Variants in PLXNA4 observed in about 807,000 individuals in gnomAD.
PLXNA4 encodes plexin A4, also known as plexin-A4.
Under a neutral mutation model 191.8 loss-of-function variants are expected in PLXNA4, and 44 were observed. That is an observed-to-expected ratio of 0.23 (90% CI 0.18 to 0.29). The LOEUF (loss-of-function observed/expected upper bound fraction) is 0.29. Among genes scored for constraint, PLXNA4 ranks in the 10% least tolerant of loss-of-function variants. The pLI is 1.00. For synonymous variants in PLXNA4, 1,082 were observed against 1,009.5 expected (o/e 1.07, Z -1.36); for missense variants, 1,800 against 2,488.8 (o/e 0.72, Z 5.89).
intron 3 of PLXNA4, among the ~76,000 whole-genome samples, chr7:132,417,435 A>G (rs1794697715): frequency 6.6e-6 from 1 of 152,234 alleles, no homozygotes; most frequent in East Asian, 1.9e-4. Flanking sequence ...AAATGACGCA[A>G]TTGTTTTGAG....
chr7:132,576,427 C>G lies in PLXNA4; in HGVS notation c.-92G>C, dbSNP rs575721184. On this transcript the variant is annotated 5_prime_UTR_variant, in exon 1 of 32. Coordinates refer to ENST00000321063, the MANE Select transcript of PLXNA4 (RefSeq NM_020911.2). This position sits in a 1 kb window ranked among gnomAD's most constrained non-coding sequence, Gnocchi z 5.8. ...CCGGCGGGCCGGCTCCTTACCTGGA[C>G]GCGCCGCGTTTCCCTCCTTCAGCGG... 5.1e-6 allele frequency: 5 copies of G among 985,974 alleles called. No homozygotes were observed. The South Asian group carries it at 2.3e-4, about 46-fold the overall frequency. 61.1% of individuals were successfully genotyped at this position (985,974 alleles called of 1,614,324 possible). A position where few individuals can be genotyped will look rare whatever the true frequency, so the allele number is the denominator to read the frequency against.
At chr7:132,189,383 C>T (rs1369345661) in intron 14 of PLXNA4, among the ~76,000 whole-genome samples, 1 of 152,156 alleles carries the variant, frequency 6.6e-6, no homozygotes, top group Non-Finnish European at 1.5e-5. Context: ...CTTCACTTGG[C>T]TCCATGAATG....
In PLXNA4 at chr7:132,125,462, C is replaced by T. The variant is rs1290593735; in HGVS notation, c.*5017G>A. 1 of 151,956 alleles carries T rather than the reference C, an allele frequency of 6.6e-6. No homozygotes were observed. The highest frequency in any genetic ancestry group is 1.9e-4 in the East Asian group (1 of 5,164). 9.4% of individuals were successfully genotyped at this position (151,956 alleles called of 1,614,324 possible). ...TGTCCTCTGAACCTCTCCTCATCCCCTTGGAAGTCATAGGTTTTGCTCCCA... is the reference window on the plus strand; with the variant it reads ...TGTCCTCTGAACCTCTCCTCATCCCTTTGGAAGTCATAGGTTTTGCTCCCA... On this transcript the variant is annotated 3_prime_UTR_variant, in exon 32 of 32. Coordinates refer to ENST00000321063, the MANE Select transcript of PLXNA4 (RefSeq NM_020911.2).
At chr7:132,306,660 G>T (rs1225162546) in intron 3 of PLXNA4, among the ~76,000 whole-genome samples, 1 of 152,148 alleles carries the variant, frequency 6.6e-6, no homozygotes, top group Admixed American at 6.5e-5. Context: ...AGTACTCGTT[G>T]AATGAATGAA....
At chr7:132,148,095 T>C in intron 26 of PLXNA4, 96 bp from the exon 27 acceptor site, 1 of 1,582,896 alleles carries the variant, frequency 6.3e-7, no homozygotes. Flanking sequence ...AAGGGGAAAT[T>C]GGTGCCTTGC....
chr7:132,394,881 T>C (rs1164206219), intron 3 of PLXNA4, among the ~76,000 whole-genome samples: 1 of 152,216 alleles, frequency 6.6e-6, no homozygotes, highest in Admixed American at 6.5e-5. Flanking sequence ...TTCGCCAGAA[T>C]TCTCTGAGGC....
At chr7:132,566,334 T>C (rs1423187599) in intron 1 of PLXNA4, among the ~76,000 whole-genome samples, 3 of 152,208 alleles carry the variant, frequency 2.0e-5, no homozygotes, top group East Asian at 3.9e-4. Context: ...TCATTACCTA[T>C]GTGAGATGAA....
chr7:132,232,644 T>C (rs1362083943), intron 5 of PLXNA4, among the ~76,000 whole-genome samples: 3 of 152,098 alleles, frequency 2.0e-5, no homozygotes, highest in African/African-American at 7.2e-5. Flanking sequence ...TCCAATGAGA[T>C]TATCCTCTCT....
chr7:132,337,655 C>G (rs898481007), intron 3 of PLXNA4, among the ~76,000 whole-genome samples: 1 of 152,200 alleles, frequency 6.6e-6, no homozygotes, highest in Non-Finnish European at 1.5e-5. Flanking sequence ...TGAGAAAAGA[C>G]AGCCAAGGTA....
At position 132,225,780 on chromosome 7, in the gene PLXNA4, C is replaced by T. The variant is rs538989832; in HGVS notation, c.1982+381G>A. Among the ~76,000 whole-genome samples the T allele has an allele frequency of 4.6e-5, 7 of 152,288 alleles. No homozygotes were observed. The East Asian group carries it at 1.2e-3, about 25-fold the overall frequency. On this transcript the variant is annotated intron_variant, in intron 8 of 31. Transcript: ENST00000321063. ...CTCCCTCCTCAGTTCCCTTCTCTGC[C>T]CATGGAGCTTGCTCTCTGTTCTTCA...
chr7:132,185,386 T>C lies in PLXNA4; in HGVS notation c.3071A>G (p.Asp1024Gly). The change falls in exon 16 of 32, where the codon GAC becomes GGC. Residue 1024 changes from aspartate to glycine, a missense_variant. Around this residue, in one of 6 missense-constraint regions of PLXNA4, gnomAD observed 1,397 missense variants for 1,880.4 expected, o/e 0.74. Coordinates refer to ENST00000321063, the MANE Select transcript of PLXNA4 (RefSeq NM_020911.2). ...CAGGTCCTGGTGGATCTTGGCCCTG[T>C]CCACCTGCACCGACACCTTCATCTC... ...VLEMKVSVQV[D>G]RAKIHQDLVF... is the part of the protein sequence containing the mutation. 1.2e-6 allele frequency: 2 copies of C among 1,614,160 alleles called. No individual in the cohort carries two copies.
chr7:132,308,386 G>A (rs1801606000), intron 3 of PLXNA4, among the ~76,000 whole-genome samples: 1 of 152,178 alleles, frequency 6.6e-6, no homozygotes, highest in African/African-American at 2.4e-5. Context: ...CCTCTGGTTA[G>A]AAAGGAGCCT....
chr7:132,618,865 T>C (rs1433981154), intron 2 of PLXNA4, among the ~76,000 whole-genome samples: 4 of 152,066 alleles, frequency 2.6e-5, no homozygotes, highest in Non-Finnish European at 5.9e-5. Context: ...AAATTAAACA[T>C]AAAAAGTGAT....
At chr7:132,565,054 C>G (rs540755323) in intron 1 of PLXNA4, among the ~76,000 whole-genome samples, 2 of 152,196 alleles carry the variant, frequency 1.3e-5, no homozygotes, top group Non-Finnish European at 2.9e-5. Context: ...ACACGGGAGC[C>G]GGCAAGGTGT....
chr7:132,306,554 C>T (rs534581266), intron 3 of PLXNA4, among the ~76,000 whole-genome samples: 5 of 152,276 alleles, frequency 3.3e-5, no homozygotes, highest in Non-Finnish European at 5.9e-5. Flanking sequence ...TCAGTTGGAC[C>T]CACAGGTTCT....
intron 2 of PLXNA4, among the ~76,000 whole-genome samples, chr7:132,645,172 C>T (rs528819722): frequency 6.6e-6 from 1 of 152,322 alleles, no homozygotes; most frequent in Admixed American, 6.5e-5. Context: ...GCTTCCTTTG[C>T]CCTCATTTCA....
At position 132,153,000 on chromosome 7, in the gene PLXNA4, A is replaced by T. The variant is rs188553581; in HGVS notation, c.4661-4354T>A. On this transcript the variant is annotated intron_variant, in intron 25 of 31. Coordinates refer to ENST00000321063, the MANE Select transcript of PLXNA4 (RefSeq NM_020911.2). ...CTGGGCATGGCCAACTGGGCATGAGAGGTAGTTAAACAGGGAAACGGGATA... is the reference window on the plus strand; with the variant it reads ...CTGGGCATGGCCAACTGGGCATGAGTGGTAGTTAAACAGGGAAACGGGATA... Among the ~76,000 whole-genome samples the T allele has an allele frequency of 1.9e-3, 293 of 152,322 alleles. 1 individual carries two copies. The highest frequency in any genetic ancestry group is 5.6e-3 in the South Asian group (27 of 4,816).
chr7:132,221,737 G>C (rs1407133858), intron 9 of PLXNA4, among the ~76,000 whole-genome samples: 1 of 152,052 alleles, frequency 6.6e-6, no homozygotes, highest in Non-Finnish European at 1.5e-5. Context: ...CCCTATAAAG[G>C]GACAATCTCA....
At chr7:132,512,247 G>T (rs893683536) in intron 1 of PLXNA4, among the ~76,000 whole-genome samples, 1 of 152,320 alleles carries the variant, frequency 6.6e-6, no homozygotes, top group East Asian at 1.9e-4. Context: ...GTATGCTGGG[G>T]AATGTGTGCC....
Sources: allele counts gnomAD v4.1 joint callset (sites outside exome capture counted in the v4.1 genomes callset), GRCh38; gene constraint gnomAD v4.1.1; regional missense constraint gnomAD v4.1.1; non-coding constraint Gnocchi (gnomAD v3.1); transcripts MANE v1.5; gene names NCBI Gene and HGNC (gene_info 2026-07-23, HGNC 2026-07-21).